The following SEZ6 variants were observed in gnomAD, a reference collection of about 807,000 sequenced individuals.
SEZ6 encodes the protein seizure related 6 homolog.
SEZ6 carries 53 observed loss-of-function variants against 101.0 expected under a neutral mutation model. That is an observed-to-expected ratio of 0.52 (90% CI 0.42 to 0.66). The LOEUF (loss-of-function observed/expected upper bound fraction) is 0.66. Ranked by LOEUF, SEZ6 falls within the 30% of genes least tolerant of loss-of-function variation. The probability of loss-of-function intolerance (pLI) is 0.00; values close to 1 mark genes in which losing one functional copy is unlikely to be tolerated. For missense variants in SEZ6, 1,102 were observed against 1,289.4 expected (o/e 0.85, Z 2.23); for synonymous variants, 488 against 512.2 (o/e 0.95, Z 0.64).
At position 29,005,452 on chromosome 17, in the gene SEZ6, G is replaced by C. The variant is rs1436162085; in HGVS notation, c.55+363C>G. Among the ~76,000 whole-genome samples the C allele has an allele frequency of 1.3e-5, 2 of 152,146 alleles. No homozygotes were observed. The highest frequency in any genetic ancestry group is 4.8e-5 in the African/African-American group (2 of 41,442). Reference sequence around the variant, plus strand: ...GGACCGTCCCGACTCACTGCCTTGCGCCCCCCGGCACGCGCCCCAGCACCC... The same window carrying C: ...GGACCGTCCCGACTCACTGCCTTGCCCCCCCCGGCACGCGCCCCAGCACCC... On this transcript the variant is annotated intron_variant, in intron 1 of 16. Coordinates refer to ENST00000317338, the MANE Select transcript of SEZ6 (RefSeq NM_178860.5). The surrounding 1 kb of genome is among the most constrained non-coding windows in gnomAD (Gnocchi z 4.8).
At chr17:28,961,891 A>G (rs1220247501) in intron 5 of SEZ6, among the ~76,000 whole-genome samples, 1 of 152,202 alleles carries the variant, frequency 6.6e-6, no homozygotes, top group East Asian at 1.9e-4. Context: ...TCAAGGCAGC[A>G]GAATATTGTA....
At chr17:28,961,688 T>A (rs1261855211) in intron 5 of SEZ6, among the ~76,000 whole-genome samples, 4 of 152,198 alleles carry the variant, frequency 2.6e-5, no homozygotes, top group African/African-American at 9.7e-5. Flanking sequence ...CCTATGGCTA[T>A]CTGTGAGGAT....
At chr17:28,980,527 G>A (rs896319404) in intron 2 of SEZ6, among the ~76,000 whole-genome samples, 1 of 151,730 alleles carries the variant, frequency 6.6e-6, no homozygotes, top group Non-Finnish European at 1.5e-5. Flanking sequence ...CCCCCACTAC[G>A]CCCGGCTAAT....
chr17:28,958,329 A>G (rs1474658693), intron 10 of SEZ6, among the ~76,000 whole-genome samples, 188 bp from the exon 11 acceptor site: 1 of 152,136 alleles, frequency 6.6e-6, no homozygotes, highest in African/African-American at 2.4e-5. Context: ...TGTCTCCTAG[A>G]TTCCAGGGTT....
At chr17:28,974,638 A>G (rs1255773102) in intron 3 of SEZ6, among the ~76,000 whole-genome samples, 1 of 152,162 alleles carries the variant, frequency 6.6e-6, no homozygotes, top group Non-Finnish European at 1.5e-5. Context: ...CAGTGAGTCC[A>G]AGACAAAGCC....
chr17:28,957,550 G>A lies in SEZ6; in HGVS notation c.2303-11C>T, dbSNP rs753147140. ...CGTGGCAGGAAGTCACTATGGGTAG[G>A]GGGTGATGGGGAGAAGTAGCCCAAG... On this transcript the variant is annotated splice_polypyrimidine_tract_variant and intron_variant, in intron 11 of 16. Coordinates refer to ENST00000317338, the MANE Select transcript of SEZ6 (RefSeq NM_178860.5). 6 of 1,569,666 alleles carry A rather than the reference G, an allele frequency of 3.8e-6. No homozygotes were observed. Among genetic ancestry groups the A allele is most frequent in the Non-Finnish European group, 5.2e-6 (6 of 1,160,842 alleles).
chr17:28,971,319 G>A (rs1329778954), intron 3 of SEZ6, among the ~76,000 whole-genome samples: 1 of 152,160 alleles, frequency 6.6e-6, no homozygotes, highest in East Asian at 1.9e-4. Context: ...TTGGCTGGGC[G>A]CTGTGGCTCA....
intron 3 of SEZ6, among the ~76,000 whole-genome samples, chr17:28,976,846 A>G (rs2041228026): frequency 6.6e-6 from 1 of 152,064 alleles, no homozygotes; most frequent in African/African-American, 2.4e-5. Flanking sequence ...TTCTCATCCT[A>G]CAGGTCTCAG....
In SEZ6 at chr17:28,981,505, G is replaced by A; in HGVS notation, c.590C>T (p.Ala197Val). 6.2e-7 allele frequency: 1 copy of A among 1,608,420 alleles called. No homozygotes were observed. The highest frequency in any genetic ancestry group is 1.1e-5 in the South Asian group (1 of 89,936). The change falls in exon 2 of 17, where the codon GCA becomes GTA. Residue 197 changes from alanine (A) to valine (V), a missense_variant. Ala to Val is a moderately conservative substitution (Grantham distance 64, BLOSUM62 0). Around this residue, in one of 3 missense-constraint regions of SEZ6, gnomAD observed 406 missense variants for 418.6 expected, o/e 0.97. Transcript: ENST00000317338. ...GPGDMGRPWV[A>V]EVVSQGAGIG... is the part of the protein sequence containing the mutation. ...CCCTGCGCCCTGGGACACAACCTCT[G>A]CAACCCACGGCCTTCCCATGTCTCC...
chr17:28,969,052 A>G (rs8081283), intron 4 of SEZ6, among the ~76,000 whole-genome samples: 2,531 of 152,326 alleles, frequency 0.017, 65 homozygotes, highest in African/African-American at 0.057. Context: ...TTTGTGGGGT[A>G]GGTGTTTTGG....
Position 28,955,765 on chromosome 17 carries a change from C to A in SEZ6, c.*197G>T, listed in dbSNP as rs2040868851. The A allele has an allele frequency of 1.4e-6, 1 of 723,740 alleles. No individual in the cohort carries two copies. Among genetic ancestry groups the A allele is most frequent in the Non-Finnish European group, 2.5e-6 (1 of 404,262 alleles). 44.8% of individuals were successfully genotyped at this position (723,740 alleles called of 1,614,324 possible). A position where few individuals can be genotyped will look rare whatever the true frequency, so the allele number is the denominator to read the frequency against. On this transcript the variant is annotated 3_prime_UTR_variant, in exon 17 of 17. Coordinates refer to ENST00000317338, the MANE Select transcript of SEZ6 (RefSeq NM_178860.5). The stretch of plus-strand genomic sequence containing the variant: ...GGCCCAATGAAGGGCCCCAAGTGGG[C>A]AATGACACCAAGAAAATAGGCCATG...
At chr17:28,999,803 C>T (rs7225455) in intron 1 of SEZ6, among the ~76,000 whole-genome samples, 58,527 of 151,980 alleles carry the variant, frequency 0.39, 12,580 homozygotes, top group African/African-American at 0.58. Flanking sequence ...CCTCAAAGGA[C>T]TGAAGAGTAA....
intron 1 of SEZ6, among the ~76,000 whole-genome samples, chr17:28,996,174 A>G (rs985364658): frequency 6.7e-6 from 1 of 149,280 alleles, no homozygotes; most frequent in Non-Finnish European, 1.5e-5. Context: ...CACCACACCC[A>G]GCTAATTAGC....
chr17:28,957,522 G>A lies in SEZ6; in HGVS notation c.2320C>T (p.Pro774Ser), dbSNP rs1399540026. 1 of 1,613,322 alleles carries A rather than the reference G, an allele frequency of 6.2e-7. No individual in the cohort carries two copies. The highest frequency in any genetic ancestry group is 8.5e-7 in the Non-Finnish European group (1 of 1,179,700). The change falls in exon 12 of 17, where the codon CCT (proline) becomes TCT (serine). Residue 774 changes from proline (P) to serine (S), a missense_variant. Transcript: ENST00000317338. ...CGTCGGCTGTGCTCCACATCTCCAG[G>A]ATCGTGGCAGGAAGTCACTATGGGT... ...SCQRVTSCHD[P>S]GDVEHSRRLI...
At chr17:28,992,549 C>G (rs549654257) in intron 1 of SEZ6, among the ~76,000 whole-genome samples, 3 of 152,228 alleles carry the variant, frequency 2.0e-5, no homozygotes, top group African/African-American at 7.2e-5. Flanking sequence ...CCCTACCCCC[C>G]AAAAGAAGGG....
chr17:28,996,189 G>T (rs990221323), intron 1 of SEZ6, among the ~76,000 whole-genome samples: 7 of 151,788 alleles, frequency 4.6e-5, no homozygotes, highest in African/African-American at 1.5e-4. Flanking sequence ...ATTAGCTCCA[G>T]CCTTATTTCC....
In SEZ6 at chr17:28,956,161, C is replaced by T. The variant is rs1446799621; in HGVS notation, c.2950G>A (p.Gly984Arg). ...SAFDNPTYET[G>R]SLSFAGDERI ...GCAAGGCTGGCATGGTTACTTACTC[C>T]AGTCTCGTAAGTTGGATTGTCAAAC... The change falls in exon 16 of 17, where the codon GGA becomes AGA. Residue 984 changes from glycine (G) to arginine (R), a missense_variant and splice_region_variant. Physicochemically the swap from Gly to Arg is moderately radical, Grantham distance 125. Coordinates refer to ENST00000317338, the MANE Select transcript of SEZ6 (RefSeq NM_178860.5). The T allele has an allele frequency of 1.3e-6, 2 of 1,598,990 alleles. No homozygotes were observed. The highest frequency in any genetic ancestry group is 1.8e-5 in the Admixed American group (1 of 56,946).
intron 1 of SEZ6, among the ~76,000 whole-genome samples, chr17:28,990,151 G>A (rs1311568510): frequency 6.6e-6 from 1 of 152,216 alleles, no homozygotes; most frequent in Non-Finnish European, 1.5e-5. Flanking sequence ...CTGCTGAGAT[G>A]TAGGCATAGT....
Position 28,956,735 on chromosome 17 carries a change from G to A in SEZ6, c.2715C>T (p.Asn905=), listed in dbSNP as rs1435447301. 1.9e-6 allele frequency: 3 copies of A among 1,563,526 alleles called. No homozygotes were observed. In the African/African-American group the frequency reaches 4.1e-5, roughly 21 times the overall value. ...GAGACTTACCATCCAGGCTGCGACT[G>A]TTGTAGAACCCATCCAGAGAGGCTG... is the stretch of plus-strand genomic sequence containing the variant. ...CRAASLDGFY[N]SRSLDVAKAP... Residue 905 remains asparagine, a synonymous_variant, in exon 14 of 17, where the codon AAC becomes AAT. Coordinates refer to ENST00000317338, the MANE Select transcript of SEZ6 (RefSeq NM_178860.5).
Sources: gnomAD v4.1 joint callset for allele counts (sites outside exome capture counted in the v4.1 genomes callset) on GRCh38, gnomAD v4.1.1 for gene constraint, gnomAD v4.1.1 regional missense constraint, Gnocchi (gnomAD v3.1) non-coding constraint, MANE v1.5 for transcripts, NCBI Gene and HGNC (gene_info 2026-07-23, HGNC 2026-07-21) for gene names.